MYRF: variants seen among roughly 807,000 people sequenced by gnomAD.
MYRF encodes the protein myelin gene regulatory factor.
In MYRF, 16 loss-of-function variants were observed where a neutral mutation model predicts 126.3. That is an observed-to-expected ratio of 0.13 (90% CI 0.09 to 0.19). MYRF has a LOEUF of 0.19. MYRF is among the 10% of genes least tolerant of loss of function. The probability of loss-of-function intolerance (pLI) is 1.00; values close to 1 mark genes in which losing one functional copy is unlikely to be tolerated. For synonymous variants in MYRF, 608 were observed against 635.3 expected, an observed-to-expected ratio of 0.96 and a Z score of 0.65; for missense variants, 1,104 against 1,547.0, an observed-to-expected ratio of 0.71 and a Z score of 4.80.
rs189798002 is a variant in MYRF, at chr11:61,755,120, G to A, written c.46+2330G>A. Among the ~76,000 whole-genome samples, 58 of 152,282 alleles carry A rather than the reference G, an allele frequency of 3.8e-4. No individual in the cohort carries two copies. The East Asian group carries it at 9.3e-3, about 24-fold the overall frequency. On this transcript the variant is annotated intron_variant, in intron 1 of 26. Transcript: ENST00000278836. ...AGTGGGTAGCAGTCCCTGTGCTCTC[G>A]GCTCTGGGCTGGGAGACTGGGAAAG... is the stretch of plus-strand genomic sequence containing the variant.
chr11:61,760,123 C>G (rs1299732555), intron 1 of MYRF, among the ~76,000 whole-genome samples: 2 of 152,100 alleles, frequency 1.3e-5, no homozygotes, highest in Non-Finnish European at 2.9e-5. Context: ...CACGTGCCAC[C>G]ATGCCTGGCT....
At chr11:61,763,218 T>C (rs956420884) in intron 1 of MYRF, among the ~76,000 whole-genome samples, 2 of 152,238 alleles carry the variant, frequency 1.3e-5, no homozygotes, top group Non-Finnish European at 2.9e-5. Flanking sequence ...GTCAGACCCC[T>C]GCACCTGGTT....
At chr11:61,759,557 C>G (rs1016445223) in intron 1 of MYRF, among the ~76,000 whole-genome samples, 1 of 152,288 alleles carries the variant, frequency 6.6e-6, no homozygotes, top group South Asian at 2.1e-4. Flanking sequence ...GTAGTCCCAG[C>G]TCCTTGGGAG....
rs1266031646 is a variant in MYRF, at chr11:61,776,448, C to A, written c.1499+16C>A. ...CGGACCAGAGGTGAGCAGGTGGGGG[C>A]CCTGCCCCGGAGCCCCTCCATTTCT... On this transcript the variant is annotated intron_variant, in intron 10 of 26. Transcript: ENST00000278836. This position sits in a 1 kb window ranked among gnomAD's most constrained non-coding sequence, Gnocchi z 4.3. 1 of 1,600,932 alleles carries A rather than the reference C, an allele frequency of 6.2e-7. No individual in the cohort carries two copies. The highest frequency in any genetic ancestry group is 8.5e-7 in the Non-Finnish European group (1 of 1,172,166).
rs372264964 is a variant in MYRF at position 61,762,054 on chromosome 11, T to C, written c.47-3571T>C. 2.6e-5 allele frequency among the ~76,000 whole-genome samples: 4 copies of C among 152,290 alleles called. No individual in the cohort carries two copies. In the East Asian group the frequency reaches 5.8e-4, roughly 22 times the overall value. On this transcript the variant is annotated intron_variant, in intron 1 of 26. Transcript: ENST00000278836. ...CAGAATGGGAGAGTCAGAGATGGCC[T>C]CTTGGGGGAATTTACATTTAAGACA...
chr11:61,770,929 G>A (rs174527), intron 5 of MYRF, among the ~76,000 whole-genome samples: 42 of 152,062 alleles, frequency 2.8e-4, no homozygotes, highest in African/African-American at 7.5e-4. Context: ...CCAAGCCCCC[G>A]ACTCTGACTC....
chr11:61,787,738 C>A lies in MYRF; in HGVS notation c.*1595C>A, dbSNP rs1461267556. 1.3e-5 allele frequency: 2 copies of A among 152,756 alleles called. No homozygotes were observed. Among genetic ancestry groups the A allele is most frequent in the Admixed American group, 6.5e-5 (1 of 15,280 alleles). The allele number at this position is 152,756 out of a possible 1,614,324, so 9.5% of individuals were successfully genotyped here. ...ATTCCCAAACCATGCAGGGGCTGAG[C>A]CTTCCTTATGATGACTTTGTTCTCC... On this transcript the variant is annotated 3_prime_UTR_variant, in exon 27 of 27. Coordinates refer to ENST00000278836, the MANE Select transcript of MYRF (RefSeq NM_001127392.3).
At chr11:61,774,534 GAA>G (rs11320420) in intron 8 of MYRF, among the ~76,000 whole-genome samples, 8 of 137,350 alleles carry the variant, frequency 5.8e-5, no homozygotes, top group Non-Finnish European at 4.7e-5. Context: ...AAAAAAAAAA[GAA>G]AAAAAAAAAA....
Position 61,784,394 on chromosome 11 carries a change from G to A in MYRF, c.3300+9G>A. ...CCCACCAGGACACCCAGGTAGGTGG[G>A]ACTGGGAAGCTGCGGGCCGGCCAGG... On this transcript the variant is annotated intron_variant, in intron 25 of 26. Transcript: ENST00000278836. 1 of 1,611,328 alleles carries A rather than the reference G, an allele frequency of 6.2e-7. No homozygotes were observed. Among genetic ancestry groups the A allele is most frequent in the Non-Finnish European group, 8.5e-7 (1 of 1,178,454 alleles).
Position 61,777,217 on chromosome 11 carries a change from GTCCCCTCCCTA to G in MYRF, c.1591-41_1591-31del, listed in dbSNP as rs1565298995. 1 of 1,580,510 alleles carries G rather than the reference GTCCCCTCCCTA, an allele frequency of 6.3e-7. No homozygotes were observed. The highest frequency in any genetic ancestry group is 1.3e-5 in the African/African-American group (1 of 74,528). ...TCCCCCTGCTCCCAGGGCCCTGCAGGTCCCCTCCCTATCCCCCAGGACTGATCCAGCCCCAA... is the reference window on the plus strand; with the variant it reads ...TCCCCCTGCTCCCAGGGCCCTGCAGGTCCCCCAGGACTGATCCAGCCCCAA... On this transcript the variant is annotated intron_variant, in intron 11 of 26. Coordinates refer to ENST00000278836, the MANE Select transcript of MYRF (RefSeq NM_001127392.3). This position sits in a 1 kb window ranked among gnomAD's most constrained non-coding sequence, Gnocchi z 8.8.
chr11:61,764,553 C>G (rs1309195127), intron 1 of MYRF, among the ~76,000 whole-genome samples: 1 of 152,180 alleles, frequency 6.6e-6, no homozygotes, highest in Non-Finnish European at 1.5e-5. Context: ...CAGACTCAGG[C>G]TCCAGAGGCC....
In MYRF at chr11:61,778,818, C is replaced by T. The variant is rs187649492; in HGVS notation, c.2013+329C>T. Reference sequence around the variant, plus strand: ...GTATGGTTACCTCCAGGCTGAAATACGTGGTTTATTGTGAGGACGACGTTT... The same window carrying T: ...GTATGGTTACCTCCAGGCTGAAATATGTGGTTTATTGTGAGGACGACGTTT... On this transcript the variant is annotated intron_variant, in intron 14 of 26. Coordinates refer to ENST00000278836, the MANE Select transcript of MYRF (RefSeq NM_001127392.3). This position sits in a 1 kb window ranked among gnomAD's most constrained non-coding sequence, Gnocchi z 4.6. 7.5e-5 allele frequency: 42 copies of T among 559,892 alleles called. No homozygotes were observed. The highest frequency in any genetic ancestry group is 6.9e-4 in the African/African-American group (37 of 53,980). The allele number at this position is 559,892 out of a possible 1,614,324, so 34.7% of individuals were successfully genotyped here. A position where few individuals can be genotyped will look rare whatever the true frequency, so the allele number is the denominator to read the frequency against.
rs1488944006 is a variant in MYRF, at chr11:61,777,137, T to A, written c.1591-127T>A. 9.8e-7 allele frequency: 1 copy of A among 1,015,952 alleles called. No homozygotes were observed. Among genetic ancestry groups the A allele is most frequent in the African/African-American group, 1.6e-5 (1 of 62,368 alleles). 62.9% of individuals were successfully genotyped at this position (1,015,952 alleles called of 1,614,324 possible). ...TCACAGTGGGAGGGACAGTTCAAGTTGGGCTTGGTGCAGTGAGAAACCCTG... is the reference window on the plus strand; with the variant it reads ...TCACAGTGGGAGGGACAGTTCAAGTAGGGCTTGGTGCAGTGAGAAACCCTG... On this transcript the variant is annotated intron_variant, in intron 11 of 26. Coordinates refer to ENST00000278836, the MANE Select transcript of MYRF (RefSeq NM_001127392.3). The surrounding 1 kb of genome is among the most constrained non-coding windows in gnomAD (Gnocchi z 8.8).
chr11:61,764,950 C>T lies in MYRF; in HGVS notation c.47-675C>T, dbSNP rs375020538. Among the ~76,000 whole-genome samples, 144 of 152,360 alleles carry T rather than the reference C, an allele frequency of 9.5e-4. 3 individuals carry two copies. In the South Asian group the frequency reaches 0.029, roughly 31 times the overall value. On this transcript the variant is annotated intron_variant, in intron 1 of 26. Coordinates refer to ENST00000278836, the MANE Select transcript of MYRF (RefSeq NM_001127392.3). ...GGAAAAAGGGGGCTAAGTTCCCCCGCCTGTGCCCAACAGGGTGATGGGCAT... is the reference window on the plus strand; with the variant it reads ...GGAAAAAGGGGGCTAAGTTCCCCCGTCTGTGCCCAACAGGGTGATGGGCAT...
chr11:61,767,296 G>C, intron 3 of MYRF: 1 of 456,684 alleles, frequency 2.2e-6, no homozygotes, highest in South Asian at 1.5e-5. Context: ...GTAAGCGCCT[G>C]CTGGTGCCCA....
chr11:61,779,833 GGTCCTCA>G lies in MYRF; in HGVS notation c.2248-5_2249del, dbSNP rs767292626. ...TCTTTGCATTTGCACTTTTCCTCTT[GGTCCTCA>G]GTCATCGTCCGTGGTTCCGGACCAG... On this transcript the variant is annotated splice_acceptor_variant and splice_polypyrimidine_tract_variant and intron_variant, in intron 16 of 26. Transcript: ENST00000278836. LOFTEE classifies it high-confidence loss of function. 6.2e-7 allele frequency: 1 copy of G among 1,612,990 alleles called. No homozygotes were observed. Among genetic ancestry groups the G allele is most frequent in the East Asian group, 2.2e-5 (1 of 44,842 alleles).
Position 61,776,486 on chromosome 11 carries a change from C to A in MYRF, c.1499+54C>A. ...CCCCTCCATTTCTGAGGCAGGAAGA[C>A]ACTGCCCTGGGTGGCACACCAGGCA... On this transcript the variant is annotated intron_variant, in intron 10 of 26. Coordinates refer to ENST00000278836, the MANE Select transcript of MYRF (RefSeq NM_001127392.3). The surrounding 1 kb of genome is among the most constrained non-coding windows in gnomAD (Gnocchi z 4.3). 6.7e-7 allele frequency: 1 copy of A among 1,492,918 alleles called. No homozygotes were observed. The highest frequency in any genetic ancestry group is 9.2e-7 in the Non-Finnish European group (1 of 1,085,614). The allele number at this position is 1,492,918 out of a possible 1,614,324, so 92.5% of individuals were successfully genotyped here.
intron 5 of MYRF, 26 bp downstream of exon 5, chr11:61,770,551 G>A: frequency 1.3e-6 from 2 of 1,529,468 alleles, no homozygotes; most frequent in Non-Finnish European, 1.8e-6. Flanking sequence ...CTGGCTCCAT[G>A]GGGTGGGAAG....
chr11:61,775,722 G>A (rs1407214048), intron 8 of MYRF, among the ~76,000 whole-genome samples: 1 of 151,764 alleles, frequency 6.6e-6, no homozygotes, highest in Admixed American at 6.6e-5. Flanking sequence ...GTGTGTGTGT[G>A]TCTGTGTGTG....
Sources: allele counts gnomAD v4.1 joint callset (sites outside exome capture counted in the v4.1 genomes callset), GRCh38; gene constraint gnomAD v4.1.1; non-coding constraint Gnocchi (gnomAD v3.1); transcripts MANE v1.5; gene names NCBI Gene and HGNC (gene_info 2026-07-23, HGNC 2026-07-21).